The following PLIN3 variants were observed in gnomAD, a reference collection of about 807,000 sequenced individuals.
PLIN3 encodes perilipin 3, also known as perilipin-3.
A neutral mutation model predicts 35.9 loss-of-function variants in PLIN3; 30 were observed. The ratio of observed to expected loss-of-function variants is 0.84; its 90% CI spans 0.62 to 1.13. The LOEUF is 1.13. Ranked by LOEUF, PLIN3 falls within the 50% of genes most tolerant of loss-of-function variation. The pLI is 0.00. For synonymous variants in PLIN3, 261 were observed against 262.5 expected (o/e 0.99, Z 0.06); for missense variants, 603 against 596.9 (o/e 1.01, Z -0.11).
chr19:4,853,841 A>C (rs773653358), intron 4 of PLIN3, among the ~76,000 whole-genome samples: 9 of 152,044 alleles, frequency 5.9e-5, no homozygotes, highest in Admixed American at 2.6e-4. Flanking sequence ...AACAAACAAA[A>C]AAAAGCTTTG....
intron 4 of PLIN3, among the ~76,000 whole-genome samples, chr19:4,857,286 A>C (rs2030506508): frequency 6.6e-6 from 1 of 151,968 alleles, no homozygotes; most frequent in African/African-American, 2.4e-5. Flanking sequence ...AAAAGTACAA[A>C]AATTAGCCAG....
At chr19:4,852,851 G>A (rs1257247168) in intron 4 of PLIN3, among the ~76,000 whole-genome samples, 2 of 150,780 alleles carry the variant, frequency 1.3e-5, no homozygotes, top group South Asian at 2.1e-4. Context: ...TTTCACTCTC[G>A]TTGCCCAGGC....
chr19:4,859,827 C>CT lies in PLIN3; in HGVS notation c.263dup (p.Ile89AspfsTer40). ...AGTGCCCCCTGGGACTTCACCCACT[C>CT]TGGGGCTCCAGCTTGGAGAGGATCG... On this transcript the variant is annotated frameshift_variant and splice_region_variant, in exon 3 of 8. Transcript: ENST00000221957. LOFTEE classifies it high-confidence loss of function. The CT allele has an allele frequency of 1.2e-6, 2 of 1,613,226 alleles. No homozygotes were observed. Among genetic ancestry groups the CT allele is most frequent in the Non-Finnish European group, 1.7e-6 (2 of 1,179,948 alleles).
rs551759904 is a variant in PLIN3 at position 4,845,221 on chromosome 19, T to C, written c.835-428A>G. On this transcript the variant is annotated intron_variant, in intron 6 of 7. Coordinates refer to ENST00000221957, the MANE Select transcript of PLIN3 (RefSeq NM_005817.5). ...TGGGTGGATCACCTGAGTTCAGGAG[T>C]TCGAGACCAGCCTAACCAACATGGT... is the stretch of plus-strand genomic sequence containing the variant. Among the ~76,000 whole-genome samples, 92 of 151,196 alleles carry C rather than the reference T, an allele frequency of 6.1e-4. 1 individual carries two copies. Among genetic ancestry groups the C allele is most frequent in the African/African-American group, 2.2e-3 (89 of 41,212 alleles).
intron 1 of PLIN3, among the ~76,000 whole-genome samples, chr19:4,866,079 G>A (rs1013954801): frequency 2.7e-5 from 4 of 149,376 alleles, no homozygotes; most frequent in Non-Finnish European, 5.9e-5. Flanking sequence ...ATGCAGTGGC[G>A]TGATCTCAGT....
At chr19:4,850,587 ATTTTTTTTTTTTT>A (rs71170860) in intron 5 of PLIN3, among the ~76,000 whole-genome samples, 7 of 124,632 alleles carry the variant, frequency 5.6e-5, no homozygotes, top group Admixed American at 8.5e-5. Flanking sequence ...CGCCCGGCTA[ATTTTTTTTTTTTT>A]TTTTTTTTTT....
rs777822492 is a variant in PLIN3, at chr19:4,839,546, G to C, written c.961-10C>G. On this transcript the variant is annotated splice_polypyrimidine_tract_variant and intron_variant, in intron 7 of 7. Coordinates refer to ENST00000221957, the MANE Select transcript of PLIN3 (RefSeq NM_005817.5). ...CCCGGGACTCGACCTGCTGAGAAGG[G>C]AGATGGGGACACCAATCAGGACCAT... The C allele has an allele frequency of 8.0e-6, 12 of 1,506,786 alleles. No homozygotes were observed. The highest frequency in any genetic ancestry group is 2.3e-5 in the East Asian group (1 of 43,540). 93.3% of individuals were successfully genotyped at this position (1,506,786 alleles called of 1,614,324 possible). A position where few individuals can be genotyped will look rare whatever the true frequency, so the allele number is the denominator to read the frequency against.
chr19:4,857,276 A>G (rs1327618990), intron 4 of PLIN3, among the ~76,000 whole-genome samples: 1 of 152,086 alleles, frequency 6.6e-6, no homozygotes, highest in Non-Finnish European at 1.5e-5. Context: ...CGTCTTGACA[A>G]AAAGTACAAA....
intron 1 of PLIN3, among the ~76,000 whole-genome samples, chr19:4,865,488 CA>C (rs577302869): frequency 6.7e-4 from 90 of 133,756 alleles, no homozygotes; most frequent in Middle Eastern, 3.9e-3. Context: ...GACTCCGTTT[CA>C]AAAAAAAAAA....
chr19:4,848,167 A>G (rs556936522), intron 5 of PLIN3, among the ~76,000 whole-genome samples: 1 of 152,204 alleles, frequency 6.6e-6, no homozygotes, highest in East Asian at 1.9e-4. Context: ...TATTTTTAGT[A>G]GAGACGGGGT....
At chr19:4,843,395 A>C (rs377106196) in intron 7 of PLIN3, among the ~76,000 whole-genome samples, 21 of 150,850 alleles carry the variant, frequency 1.4e-4, no homozygotes, top group Non-Finnish European at 2.7e-4. Flanking sequence ...GTAGTCCCAG[A>C]TACTCGGGAG....
rs1417310747 is a variant in PLIN3 at position 4,838,883 on chromosome 19, T to C, written c.*309A>G. 9.4e-6 allele frequency: 2 copies of C among 211,882 alleles called. No homozygotes were observed. Among genetic ancestry groups the C allele is most frequent in the East Asian group, 9.9e-5 (1 of 10,114 alleles). The allele number at this position is 211,882 out of a possible 1,614,324, so 13.1% of individuals were successfully genotyped here. A position where few individuals can be genotyped will look rare whatever the true frequency, so the allele number is the denominator to read the frequency against. On this transcript the variant is annotated 3_prime_UTR_variant, in exon 8 of 8. Coordinates refer to ENST00000221957, the MANE Select transcript of PLIN3 (RefSeq NM_005817.5). ...GGTGTGAGCCACCGCACCCGGCCTA[T>C]ATTCCTGATATTTAACAAGGAAAAA...
At chr19:4,844,560 G>A in intron 7 of PLIN3, 108 bp downstream of exon 7, 2 of 1,211,856 alleles carry the variant, frequency 1.7e-6, no homozygotes, top group Non-Finnish European at 2.2e-6. Context: ...AAAAGCAGGT[G>A]AGGCTAGGGA....
rs2093625194 is a variant in PLIN3 at position 4,839,285 on chromosome 19, C to CATGT, written c.1208_1211dup (p.Met404IlefsTer25). 1 of 1,613,966 alleles carries CATGT rather than the reference C, an allele frequency of 6.2e-7. No individual in the cohort carries two copies. Among genetic ancestry groups the CATGT allele is most frequent in the African/African-American group, 1.3e-5 (1 of 74,918 alleles). On this transcript the variant is annotated frameshift_variant, in exon 8 of 8. Transcript: ENST00000221957. LOFTEE classifies it low-confidence loss of function (END_TRUNC). ...GTGTGTTCTGGGCCACATATTCCAC[C>CATGT]ATGTGGTCCAGGGCCTCGCGGGCGC... is the stretch of plus-strand genomic sequence containing the variant.
chr19:4,859,884 G>A lies in PLIN3; in HGVS notation c.207C>T (p.Thr69=), dbSNP rs757295388. 4 of 1,613,614 alleles carry A rather than the reference G, an allele frequency of 2.5e-6. No individual in the cohort carries two copies. Among genetic ancestry groups the A allele is most frequent in the Non-Finnish European group, 3.4e-6 (4 of 1,180,034 alleles). Residue 69 remains threonine, a synonymous_variant, in exon 3 of 8, where the codon ACC becomes ACT. Coordinates refer to ENST00000221957, the MANE Select transcript of PLIN3 (RefSeq NM_005817.5). ...CCCCGCTGACAGCAGCCGCCGTGAG[G>A]GTCCTCACTCCCTTCTCTGCTGCGT... ...VCDAAEKGVR[T]LTAAAVSGAQ...
chr19:4,839,667 CTT>C (rs781142496), intron 7 of PLIN3, 131 bp from the exon 8 acceptor site: 3,926 of 441,964 alleles, frequency 8.9e-3, no homozygotes, highest in South Asian at 0.018. Context: ...ATAGGCGAAA[CTT>C]TTTTTTTTTT....
chr19:4,843,411 G>C (rs1027646936), intron 7 of PLIN3, among the ~76,000 whole-genome samples: 21 of 151,828 alleles, frequency 1.4e-4, no homozygotes, highest in African/African-American at 5.1e-4. Flanking sequence ...GGGAGGCTGA[G>C]GCAGGAGAAT....
At chr19:4,849,010 G>A (rs186126528) in intron 5 of PLIN3, among the ~76,000 whole-genome samples, 30 of 152,104 alleles carry the variant, frequency 2.0e-4, no homozygotes, top group African/African-American at 7.0e-4. Context: ...TGTTGCCCAG[G>A]CTGGAGTACA....
intron 4 of PLIN3, among the ~76,000 whole-genome samples, chr19:4,855,335 A>G (rs1022105912): frequency 2.0e-5 from 3 of 150,754 alleles, no homozygotes; most frequent in Non-Finnish European, 4.4e-5. Context: ...TATCCCTTCT[A>G]TAAACAGAAA....
Sources: allele counts gnomAD v4.1 joint callset (sites outside exome capture counted in the v4.1 genomes callset), GRCh38; gene constraint gnomAD v4.1.1; transcripts MANE v1.5; gene names NCBI Gene and HGNC (gene_info 2026-07-23, HGNC 2026-07-21).